Variants in MKX observed in about 807,000 individuals in gnomAD.
MKX encodes mohawk homeobox.
Under a neutral mutation model 36.0 loss-of-function variants are expected in MKX, and 13 were observed. That is an observed-to-expected ratio of 0.36 (90% CI 0.24 to 0.57). The LOEUF (loss-of-function observed/expected upper bound fraction) is 0.57. Ranked by LOEUF, MKX falls within the 20% of genes least tolerant of loss-of-function variation. MKX has a pLI of 0.79. For missense variants in MKX, 458 were observed against 456.4 expected (o/e 1.00, Z -0.03); for synonymous variants, 176 against 178.3 (o/e 0.99, Z 0.10).
At chr10:27,685,541 C>A (rs193150709) in intron 5 of MKX, among the ~76,000 whole-genome samples, 1 of 150,770 alleles carries the variant, frequency 6.6e-6, no homozygotes, top group East Asian at 2.0e-4. Context: ...CTCCGCCTCC[C>A]GGGTGCACGC....
rs1404124205 is a variant in MKX at position 27,744,560 on chromosome 10, G to T, written c.-82-1063C>A. ...AGCCGCAGAGTTACAGCCCCAAGGC[G>T]CGCGGCGGACTTCGCCCGCCCCATC... On this transcript the variant is annotated intron_variant, in intron 1 of 6. Transcript: ENST00000419761. This position sits in a 1 kb window ranked among gnomAD's most constrained non-coding sequence, Gnocchi z 5.6. Among the ~76,000 whole-genome samples the T allele has an allele frequency of 6.6e-6, 1 of 152,000 alleles. No homozygotes were observed. Among genetic ancestry groups the T allele is most frequent in the Non-Finnish European group, 1.5e-5 (1 of 67,928 alleles).
chr10:27,677,476 C>T (rs1836175209), intron 5 of MKX, among the ~76,000 whole-genome samples: 1 of 152,102 alleles, frequency 6.6e-6, no homozygotes, highest in Non-Finnish European at 1.5e-5. Context: ...CTAACCAGGG[C>T]AAAATTTCCC....
chr10:27,740,792 T>G lies in MKX; in HGVS notation c.348+553A>C, dbSNP rs113084663. Among the ~76,000 whole-genome samples, 984 of 152,246 alleles carry G rather than the reference T, an allele frequency of 6.5e-3. 13 individuals carry two copies. Among genetic ancestry groups the G allele is most frequent in the African/African-American group, 0.022 (894 of 41,544 alleles). ...AAAAATAATAATAAATAAGTGTGTG[T>G]GGGGGGTTGTTGATCCAAACATCAT... On this transcript the variant is annotated intron_variant, in intron 3 of 6. Coordinates refer to ENST00000419761, the MANE Select transcript of MKX (RefSeq NM_173576.3).
At chr10:27,693,116 C>T (rs918370016) in intron 5 of MKX, among the ~76,000 whole-genome samples, 11 of 152,302 alleles carry the variant, frequency 7.2e-5, no homozygotes, top group South Asian at 2.1e-4. Flanking sequence ...AAACTGCTAA[C>T]GGTGGCCATC....
intron 5 of MKX, among the ~76,000 whole-genome samples, chr10:27,712,829 A>C (rs1355160821): frequency 1.3e-5 from 2 of 152,138 alleles, no homozygotes; most frequent in African/African-American, 4.8e-5. Context: ...CCTAGCTACT[A>C]GAGAAGCTGA....
intron 5 of MKX, among the ~76,000 whole-genome samples, chr10:27,728,370 G>C (rs1362217305): frequency 6.6e-6 from 1 of 152,232 alleles, no homozygotes; most frequent in Non-Finnish European, 1.5e-5. Flanking sequence ...AAGCTGAAAT[G>C]AAGGAAACAG....
chr10:27,708,601 C>A (rs12257885), intron 5 of MKX, among the ~76,000 whole-genome samples: 18,732 of 151,938 alleles, frequency 0.12, 1,247 homozygotes, highest in East Asian at 0.3. Context: ...TGGTGGCGTG[C>A]GCCTCTAGTC....
chr10:27,734,584 G>A lies in MKX; in HGVS notation c.710C>T (p.Thr237Met), dbSNP rs148104265. Residue 237 changes from threonine (T) to methionine (M), a missense_variant, in exon 5 of 7, where the codon ACG becomes ATG. This residue lies in a region of MKX where 297 missense variants were observed against 304.4 expected (regional missense o/e 0.98). Coordinates refer to ENST00000419761, the MANE Select transcript of MKX (RefSeq NM_173576.3). The stretch of plus-strand genomic sequence containing the variant: ...TGTTTTTCCCATCATGGTAGTGTTC[G>A]TGGCCATGACATGTCTCAAAGAGTC... ...LNDSLRHVMA[T>M]NTTMMGKTRQ... is the part of the protein sequence containing the mutation. The A allele has an allele frequency of 1.9e-6, 3 of 1,614,090 alleles. No individual in the cohort carries two copies. Among genetic ancestry groups the A allele is most frequent in the Admixed American group, 1.7e-5 (1 of 59,998 alleles).
intron 5 of MKX, among the ~76,000 whole-genome samples, chr10:27,700,755 T>G (rs1422575154): frequency 6.6e-6 from 1 of 152,164 alleles, no homozygotes; most frequent in Non-Finnish European, 1.5e-5. Context: ...AATACAGTAG[T>G]GAACAAGAGG....
chr10:27,697,175 G>T (rs1206021622), intron 5 of MKX, among the ~76,000 whole-genome samples: 1 of 152,202 alleles, frequency 6.6e-6, no homozygotes, highest in Non-Finnish European at 1.5e-5. Context: ...TGAATGGGAA[G>T]AATATTCAAT....
Position 27,695,267 on chromosome 10 carries a change from C to T in MKX, c.839-19713G>A, listed in dbSNP as rs549855961. 5.4e-4 allele frequency among the ~76,000 whole-genome samples: 82 copies of T among 152,154 alleles called. 1 individual carries two copies. Among genetic ancestry groups the T allele is most frequent in the African/African-American group, 1.9e-3 (78 of 41,514 alleles). ...CATCTACTGAACATAGAAGGAGAAA[C>T]GCTCCTTCCCAGGCCACCCACAGTG... On this transcript the variant is annotated intron_variant, in intron 5 of 6. Coordinates refer to ENST00000419761, the MANE Select transcript of MKX (RefSeq NM_173576.3).
intron 5 of MKX, among the ~76,000 whole-genome samples, chr10:27,729,471 A>AT (rs1173470390): frequency 1.1e-4 from 17 of 151,054 alleles, no homozygotes; most frequent in Admixed American, 8.6e-4. Flanking sequence ...TGCCTAGTTA[A>AT]TTTTTTTTTA....
chr10:27,682,303 C>T (rs889264330), intron 5 of MKX, among the ~76,000 whole-genome samples: 3 of 151,742 alleles, frequency 2.0e-5, no homozygotes, highest in Non-Finnish European at 4.4e-5. Flanking sequence ...TTTTAAAAAG[C>T]GTATAAAGTA....
At chr10:27,698,259 G>A (rs112448435) in intron 5 of MKX, among the ~76,000 whole-genome samples, 1 of 152,280 alleles carries the variant, frequency 6.6e-6, no homozygotes, top group African/African-American at 2.4e-5. Flanking sequence ...GATAAGGAAA[G>A]TGAACTCTAT....
chr10:27,700,796 A>G, intron 5 of MKX, among the ~76,000 whole-genome samples: 1 of 152,220 alleles, frequency 6.6e-6, no homozygotes, highest in East Asian at 1.9e-4. Flanking sequence ...AAGTTTACTT[A>G]GCGAGAAAAA....
At chr10:27,693,316 A>C (rs1836488184) in intron 5 of MKX, among the ~76,000 whole-genome samples, 1 of 152,218 alleles carries the variant, frequency 6.6e-6, no homozygotes, top group Non-Finnish European at 1.5e-5. Context: ...TCTATACTAC[A>C]GAGTTAAGAA....
Position 27,734,658 on chromosome 10 carries a change from G to A in MKX, c.636C>T (p.Tyr212=), listed in dbSNP as rs200413424. ...VRPESRASED[Y]VAPPKYKSSL... is the part of the protein sequence containing the mutation. ...TGCTCTTGTATTTGGGGGGTGCCAC[G>A]TAGTCCTCACTGGCCCGTGACTCTG... The change falls in exon 5 of 7, where the codon TAC becomes TAT. Residue 212 remains tyrosine (Y), a synonymous_variant. Transcript: ENST00000419761. The A allele has an allele frequency of 5.0e-6, 8 of 1,613,978 alleles. No homozygotes were observed. In the East Asian group the frequency reaches 8.9e-5, roughly 18 times the overall value.
intron 5 of MKX, among the ~76,000 whole-genome samples, chr10:27,690,102 G>A (rs1836426107): frequency 6.6e-6 from 1 of 152,172 alleles, no homozygotes; most frequent in Non-Finnish European, 1.5e-5. Context: ...GCCGGGTGTG[G>A]CGGCTCACGC....
intron 5 of MKX, among the ~76,000 whole-genome samples, chr10:27,693,193 C>A (rs1836485526): frequency 6.6e-6 from 1 of 152,180 alleles, no homozygotes; most frequent in Non-Finnish European, 1.5e-5. Context: ...TGTGTGTGTG[C>A]TGAGAGATGA....
Sources: allele counts gnomAD v4.1 joint callset (sites outside exome capture counted in the v4.1 genomes callset), GRCh38; gene constraint gnomAD v4.1.1; regional missense constraint gnomAD v4.1.1; non-coding constraint Gnocchi (gnomAD v3.1); transcripts MANE v1.5; gene names NCBI Gene and HGNC (gene_info 2026-07-23, HGNC 2026-07-21).